The following EAF1 variants were observed in gnomAD, a reference collection of about 807,000 sequenced individuals.
The protein encoded by EAF1 is ELL-associated factor 1.
EAF1 carries 19 observed loss-of-function variants against 26.6 expected under a neutral mutation model. The ratio of observed to expected loss-of-function variants is 0.71; its 90% CI spans 0.50 to 1.05. The LOEUF is 1.05. EAF1 is among the 50% of genes least tolerant of loss of function. The pLI is 0.00. For missense variants in EAF1, 260 were observed against 335.5 expected (o/e 0.78, Z 1.76); for synonymous variants, 102 against 120.6 (o/e 0.85, Z 1.01).
Position 15,441,839 on chromosome 3 carries a change from A to G in EAF1, c.*2684A>G, listed in dbSNP as rs1049150243. The stretch of plus-strand genomic sequence containing the variant: ...ATAGACATAGGAAAACATTCCAGGC[A>G]TTTGGAGACAGCTGAAAGTATCCAT... On this transcript the variant is annotated 3_prime_UTR_variant, in exon 6 of 6. Coordinates refer to ENST00000396842, the MANE Select transcript of EAF1 (RefSeq NM_033083.7). The G allele has an allele frequency of 1.1e-4, 17 of 152,754 alleles. No individual in the cohort carries two copies. Among genetic ancestry groups the G allele is most frequent in the African/African-American group, 4.1e-4 (17 of 41,580 alleles). 9.5% of individuals were successfully genotyped at this position (152,754 alleles called of 1,614,324 possible).
chr3:15,439,091 AT>A lies in EAF1; in HGVS notation c.761-7del, dbSNP rs199579790. Reference sequence around the variant, plus strand: ...TTGTTTGATTCTATGATTTTACTTTATTTTTTTTTTTAAATAGGAAATGACT... The same window carrying A: ...TTGTTTGATTCTATGATTTTACTTTATTTTTTTTTTAAATAGGAAATGACT... On this transcript the variant is annotated splice_polypyrimidine_tract_variant and intron_variant, in intron 5 of 5. Transcript: ENST00000396842. The A allele has an allele frequency of 8.1e-3, 10,115 of 1,248,870 alleles. No homozygotes were observed. The highest frequency in any genetic ancestry group is 0.013 in the Admixed American group (615 of 47,542). 77.4% of individuals were successfully genotyped at this position (1,248,870 alleles called of 1,614,324 possible).
Position 15,440,225 on chromosome 3 carries a change from C to T in EAF1, c.*1070C>T, listed in dbSNP as rs1365734807. 1.3e-5 allele frequency: 2 copies of T among 152,248 alleles called. No individual in the cohort carries two copies. Among genetic ancestry groups the T allele is most frequent in the East Asian group, 1.9e-4 (1 of 5,184 alleles). The allele number at this position is 152,248 out of a possible 1,614,324, so 9.4% of individuals were successfully genotyped here. On this transcript the variant is annotated 3_prime_UTR_variant, in exon 6 of 6. Transcript: ENST00000396842. The stretch of plus-strand genomic sequence containing the variant: ...GAAATGAGCACATTCTTTGATAAGG[C>T]GTATCTATTCATGCTTTTGTACCAC...
intron 1 of EAF1, among the ~76,000 whole-genome samples, chr3:15,429,098 G>T (rs1400501012): frequency 6.6e-6 from 1 of 152,222 alleles, no homozygotes; most frequent in East Asian, 1.9e-4. Flanking sequence ...TGTGAATTAA[G>T]ATGGCTATTA....
intron 3 of EAF1, among the ~76,000 whole-genome samples, chr3:15,433,774 C>T (rs755234412): frequency 2.0e-5 from 3 of 152,198 alleles, no homozygotes; most frequent in African/African-American, 7.2e-5. Flanking sequence ...TCAGTAGTGA[C>T]CTACATATAT....
At chr3:15,434,222 C>T (rs756849464) in intron 3 of EAF1, 126 bp from the exon 4 acceptor site, 41 of 1,003,460 alleles carry the variant, frequency 4.1e-5, no homozygotes, top group Non-Finnish European at 5.8e-5. Context: ...TTACAAGTAT[C>T]AGTATTTTGA....
In EAF1 at chr3:15,427,733, G is replaced by T; in HGVS notation, c.-47G>T. 1 of 1,533,450 alleles carries T rather than the reference G, an allele frequency of 6.5e-7. No individual in the cohort carries two copies. Among genetic ancestry groups the T allele is most frequent in the Non-Finnish European group, 8.8e-7 (1 of 1,132,130 alleles). The allele number at this position is 1,533,450 out of a possible 1,614,324, so 95.0% of individuals were successfully genotyped here. ...GCCAGCGCCAGAAGCTCGGATCGCGGCTGCACCGGGAGAGCGCCGATCTGG... is the reference window on the plus strand; with the variant it reads ...GCCAGCGCCAGAAGCTCGGATCGCGTCTGCACCGGGAGAGCGCCGATCTGG... On this transcript the variant is annotated 5_prime_UTR_variant, in exon 1 of 6. Coordinates refer to ENST00000396842, the MANE Select transcript of EAF1 (RefSeq NM_033083.7).
rs1205163975 is a variant in EAF1 at position 15,441,738 on chromosome 3, G to A, written c.*2583G>A. 6.6e-6 allele frequency: 1 copy of A among 152,502 alleles called. No individual in the cohort carries two copies. The highest frequency in any genetic ancestry group is 1.9e-4 in the East Asian group (1 of 5,190). 9.4% of individuals were successfully genotyped at this position (152,502 alleles called of 1,614,324 possible). ...TCATCTCCTCCCTGGGGTATCCACA[G>A]GAATGGACATTCAAATGGTTGTAGC... On this transcript the variant is annotated 3_prime_UTR_variant, in exon 6 of 6. Coordinates refer to ENST00000396842, the MANE Select transcript of EAF1 (RefSeq NM_033083.7).
At chr3:15,431,182 C>A (rs763125617) in intron 2 of EAF1, among the ~76,000 whole-genome samples, 4 of 152,224 alleles carry the variant, frequency 2.6e-5, no homozygotes, top group Non-Finnish European at 5.9e-5. Context: ...ATGCCTCCCA[C>A]ACATTGGCCC....
At chr3:15,438,082 C>A (rs1277868666) in intron 5 of EAF1, among the ~76,000 whole-genome samples, 5 of 152,080 alleles carry the variant, frequency 3.3e-5, no homozygotes, top group Admixed American at 6.5e-5. Context: ...AGGATCAGAC[C>A]CCCCTGAAAG....
rs1454627700 is a variant in EAF1 at position 15,436,464 on chromosome 3, G to T, written c.649G>T (p.Gly217Cys). ...CTCCAGCAGTGGAGGCGAGGACAATGGCCCAGCCTCTCCTCCGCAGCCTTC... is the reference window on the plus strand; with the variant it reads ...CTCCAGCAGTGGAGGCGAGGACAATTGCCCAGCCTCTCCTCCGCAGCCTTC... ...DSSSSGGEDNGPASPPQPSHQ... is the reference protein window; with the variant it reads ...DSSSSGGEDNCPASPPQPSHQ... The change falls in exon 5 of 6, where the codon GGC becomes TGC. Residue 217 changes from glycine to cysteine, a missense_variant. Transcript: ENST00000396842. 9 of 1,613,118 alleles carry T rather than the reference G, an allele frequency of 5.6e-6. No individual in the cohort carries two copies. The highest frequency in any genetic ancestry group is 7.6e-6 in the Non-Finnish European group (9 of 1,179,086).
At chr3:15,434,259 T>C in intron 3 of EAF1, 89 bp from the exon 4 acceptor site, 11 of 1,467,462 alleles carry the variant, frequency 7.5e-6, no homozygotes, top group Non-Finnish European at 8.4e-6. Flanking sequence ...CATGGGGTTC[T>C]ACAGAGACTT....
Position 15,439,560 on chromosome 3 carries a change from T to C in EAF1, c.*405T>C, listed in dbSNP as rs2061854356. On this transcript the variant is annotated 3_prime_UTR_variant, in exon 6 of 6. Transcript: ENST00000396842. ...GGTACCAGTGGAATGAAGTCTTTGA[T>C]GGGTAGGAGAGAGAGGGAAAACCTC... The C allele has an allele frequency of 6.1e-6, 1 of 163,550 alleles. No homozygotes were observed. The highest frequency in any genetic ancestry group is 6.4e-5 in the Admixed American group (1 of 15,712). The allele number at this position is 163,550 out of a possible 1,614,324, so 10.1% of individuals were successfully genotyped here. A position where few individuals can be genotyped will look rare whatever the true frequency, so the allele number is the denominator to read the frequency against.
At position 15,439,442 on chromosome 3, in the gene EAF1, T is replaced by C; in HGVS notation, c.*287T>C. ...AAATTGTTAATGAAAAACAGATAAATGTGCCCTGGTCTAAGTTACTCAAAG... is the reference window on the plus strand; with the variant it reads ...AAATTGTTAATGAAAAACAGATAAACGTGCCCTGGTCTAAGTTACTCAAAG... On this transcript the variant is annotated 3_prime_UTR_variant, in exon 6 of 6. Coordinates refer to ENST00000396842, the MANE Select transcript of EAF1 (RefSeq NM_033083.7). 3.3e-6 allele frequency: 1 copy of C among 301,146 alleles called. No homozygotes were observed. Among genetic ancestry groups the C allele is most frequent in the Non-Finnish European group, 6.1e-6 (1 of 163,264 alleles). 18.7% of individuals were successfully genotyped at this position (301,146 alleles called of 1,614,324 possible).
Position 15,436,780 on chromosome 3 carries a change from A to C in EAF1, c.760+205A>C, listed in dbSNP as rs1282098633. Reference sequence around the variant, plus strand: ...TCTGTTCTTTCTATTTCTATTCCCCACTGGCTCATACCGGTGTTTGTGAAT... The same window carrying C: ...TCTGTTCTTTCTATTTCTATTCCCCCCTGGCTCATACCGGTGTTTGTGAAT... On this transcript the variant is annotated intron_variant, in intron 5 of 5. Transcript: ENST00000396842. 6.6e-6 allele frequency: 3 copies of C among 453,384 alleles called. No individual in the cohort carries two copies. In the South Asian group the frequency reaches 1.8e-4, roughly 27 times the overall value. The allele number at this position is 453,384 out of a possible 1,614,324, so 28.1% of individuals were successfully genotyped here.
Position 15,436,390 on chromosome 3 carries a change from G to C in EAF1, c.575G>C (p.Gly192Ala), listed in dbSNP as rs762788329. The change falls in exon 5 of 6, where the codon GGG becomes GCG. Residue 192 changes from glycine (G) to alanine (A), a missense_variant. Transcript: ENST00000396842. ...ATTGAACAAATGAGCAGCAGCAGTG[G>C]GAGCAGCTCTTCAGACTCTGAGAGC... Reference protein sequence around the residue: ...DIIEQMSSSSGSSSSDSESSS... With the variant: ...DIIEQMSSSSASSSSDSESSS... The C allele has an allele frequency of 2.9e-5, 46 of 1,613,468 alleles. No homozygotes were observed. In the East Asian group the frequency reaches 7.4e-4, roughly 26 times the overall value.
At chr3:15,428,537 C>G (rs925284013) in intron 1 of EAF1, among the ~76,000 whole-genome samples, 25 of 152,148 alleles carry the variant, frequency 1.6e-4, no homozygotes, top group Admixed American at 7.2e-4. Flanking sequence ...AGACCAAGTT[C>G]CTTGTGGGTA....
At chr3:15,430,111 TAAAGTGGCAACTTAAGGAAAA>T in intron 2 of EAF1, 104 bp downstream of exon 2, 1 of 938,046 alleles carries the variant, frequency 1.1e-6, no homozygotes. Flanking sequence ...TTTAGATTTC[TAAAGTGGCAACTTAAGGAAAA>T]AAGTAATTTT....
At chr3:15,435,373 A>C (rs753077656) in intron 4 of EAF1, among the ~76,000 whole-genome samples, 3 of 152,196 alleles carry the variant, frequency 2.0e-5, no homozygotes, top group Non-Finnish European at 4.4e-5. Context: ...AATCCATAAT[A>C]ATAGTAGGGA....
chr3:15,437,235 C>G (rs1441045864), intron 5 of EAF1, among the ~76,000 whole-genome samples: 2 of 141,114 alleles, frequency 1.4e-5, no homozygotes, highest in African/African-American at 5.3e-5. Context: ...TGTCCCCAGA[C>G]AGTGTGGTGG....
Sources: allele counts gnomAD v4.1 joint callset (sites outside exome capture counted in the v4.1 genomes callset), GRCh38; gene constraint gnomAD v4.1.1; transcripts MANE v1.5; gene names NCBI Gene and HGNC (gene_info 2026-07-23, HGNC 2026-07-21).